Variants in CTNND2 observed in about 807,000 individuals in gnomAD.
The protein encoded by CTNND2 is catenin delta 2.
A neutral mutation model predicts 144.4 loss-of-function variants in CTNND2; 22 were observed. That is an observed-to-expected ratio of 0.15 (90% CI 0.11 to 0.22). The LOEUF is 0.22. Ranked by LOEUF, CTNND2 falls within the 10% of genes least tolerant of loss-of-function variation. CTNND2 has a pLI of 1.00. For synonymous variants in CTNND2, 751 were observed against 695.6 expected (o/e 1.08, Z -1.25); for missense variants, 1,353 against 1,618.8 (o/e 0.84, Z 2.82).
intron 3 of CTNND2, among the ~76,000 whole-genome samples, chr5:11,504,120 T>C (rs1581359670): frequency 6.6e-6 from 1 of 152,304 alleles, no homozygotes. Context: ...AATTTGGCCA[T>C]TATTTGTAGC....
intron 7 of CTNND2, among the ~76,000 whole-genome samples, chr5:11,382,414 C>T (rs1403223133): frequency 1.3e-5 from 2 of 152,140 alleles, no homozygotes; most frequent in East Asian, 1.9e-4. Context: ...GCCTGGCCCA[C>T]ATGGTGAAAC....
intron 1 of CTNND2, among the ~76,000 whole-genome samples, chr5:11,876,186 T>C (rs1735553200): frequency 6.8e-6 from 1 of 147,718 alleles, no homozygotes; most frequent in South Asian, 2.1e-4. Context: ...GATAGATAGG[T>C]AGAAAAAGAG....
intron 2 of CTNND2, among the ~76,000 whole-genome samples, chr5:11,615,566 A>T (rs1780541052): frequency 6.6e-6 from 1 of 152,208 alleles, no homozygotes. Flanking sequence ...CTTTGAAATC[A>T]TCTACTCAAA....
chr5:11,141,162 T>G (rs1268964568), intron 12 of CTNND2, among the ~76,000 whole-genome samples: 1 of 152,156 alleles, frequency 6.6e-6, no homozygotes, highest in Non-Finnish European at 1.5e-5. Context: ...CTATGTTGCC[T>G]GGGCTGGTCT....
At chr5:11,288,621 G>A (rs1005645924) in intron 9 of CTNND2, among the ~76,000 whole-genome samples, 2 of 151,992 alleles carry the variant, frequency 1.3e-5, no homozygotes, top group African/African-American at 4.8e-5. Context: ...AATTTTCAAG[G>A]TACCACAGAG....
chr5:11,394,683 T>C (rs547681111), intron 6 of CTNND2, among the ~76,000 whole-genome samples: 78 of 152,332 alleles, frequency 5.1e-4, no homozygotes, highest in African/African-American at 1.8e-3. Flanking sequence ...AGTTTGAGTT[T>C]TGGGCTGATA....
chr5:11,872,866 T>A (rs911476464), intron 1 of CTNND2, among the ~76,000 whole-genome samples: 5 of 152,162 alleles, frequency 3.3e-5, no homozygotes, highest in Admixed American at 6.5e-5. Flanking sequence ...GATTAAAGAC[T>A]TCAACATAAA....
chr5:11,275,139 C>T (rs1305022823), intron 9 of CTNND2, among the ~76,000 whole-genome samples: 1 of 152,114 alleles, frequency 6.6e-6, no homozygotes, highest in Non-Finnish European at 1.5e-5. Flanking sequence ...CCATTACAAG[C>T]GATTTATGTA....
intron 16 of CTNND2, among the ~76,000 whole-genome samples, chr5:11,024,601 TA>T (rs991492902): frequency 1.3e-5 from 2 of 152,112 alleles, no homozygotes; most frequent in Non-Finnish European, 2.9e-5. Flanking sequence ...AAGGGCAAAA[TA>T]ACTGAAAAAA....
intron 11 of CTNND2, among the ~76,000 whole-genome samples, chr5:11,197,518 A>G (rs1165565979): frequency 2.0e-5 from 3 of 152,210 alleles, no homozygotes; most frequent in Non-Finnish European, 4.4e-5. Context: ...CTCTCCATAC[A>G]TCAAGCAAGC....
At chr5:10,991,433 C>T (rs1340927096) in intron 19 of CTNND2, among the ~76,000 whole-genome samples, 1 of 152,184 alleles carries the variant, frequency 6.6e-6, no homozygotes, top group Non-Finnish European at 1.5e-5. Context: ...GTGCATATAA[C>T]TTGTTATCCA....
intron 3 of CTNND2, among the ~76,000 whole-genome samples, chr5:11,512,158 A>G (rs1005800957): frequency 2.0e-5 from 3 of 152,212 alleles, no homozygotes; most frequent in Non-Finnish European, 4.4e-5. Flanking sequence ...TGAGAAGAAC[A>G]ACACAGTGTT....
rs778134907 is a variant in CTNND2 at position 11,102,970 on chromosome 5, A to ATTTTTTT, written c.2464-4229_2464-4223dup. Reference sequence around the variant, plus strand: ...GCAGGGCTTAAATTCTATTTAAAAGATTTTTTTTTTTTTTTTTTTTTTTTT... The same window carrying ATTTTTTT: ...GCAGGGCTTAAATTCTATTTAAAAGATTTTTTTTTTTTTTTTTTTTTTTTTTTTTTTT... On this transcript the variant is annotated intron_variant, in intron 14 of 21. Transcript: ENST00000304623. Among the ~76,000 whole-genome samples the ATTTTTTT allele has an allele frequency of 1.1e-3, 96 of 84,098 alleles. 6 individuals are homozygous for ATTTTTTT. The highest frequency in any genetic ancestry group is 4.5e-3 in the African/African-American group (87 of 19,314). The allele number at this position is 84,098 out of a possible 152,430, so 55.2% of individuals were successfully genotyped here. A position where few individuals can be genotyped will look rare whatever the true frequency, so the allele number is the denominator to read the frequency against.
intron 16 of CTNND2, among the ~76,000 whole-genome samples, chr5:11,043,700 T>C (rs1220863078): frequency 6.6e-6 from 1 of 152,210 alleles, no homozygotes; most frequent in African/African-American, 2.4e-5. Flanking sequence ...ACCCACTTTT[T>C]ACAAGCAATA....
At chr5:11,130,905 C>A (rs1302921331) in intron 12 of CTNND2, among the ~76,000 whole-genome samples, 1 of 152,130 alleles carries the variant, frequency 6.6e-6, no homozygotes, top group East Asian at 1.9e-4. Flanking sequence ...GAAAGCCGCC[C>A]ATATCTAACC....
At chr5:11,756,562 C>T (rs1163164206) in intron 1 of CTNND2, among the ~76,000 whole-genome samples, 1 of 151,568 alleles carries the variant, frequency 6.6e-6, no homozygotes, top group Non-Finnish European at 1.5e-5. Flanking sequence ...TAGTTTTCCC[C>T]TATCCATTTA....
intron 2 of CTNND2, among the ~76,000 whole-genome samples, chr5:11,664,024 A>C (rs1046751805): frequency 7.2e-5 from 11 of 152,182 alleles, no homozygotes; most frequent in Admixed American, 6.6e-4. Flanking sequence ...ATTAGTTGCC[A>C]ACATATTTCA....
chr5:10,997,590 TAA>T lies in CTNND2; in HGVS notation c.3085-4915_3085-4914del, dbSNP rs59086011. Among the ~76,000 whole-genome samples the T allele has an allele frequency of 1.8e-3, 251 of 137,378 alleles. 3 individuals are homozygous for T. The highest frequency in any genetic ancestry group is 4.8e-3 in the African/African-American group (180 of 37,704). 90.1% of individuals were successfully genotyped at this position (137,378 alleles called of 152,430 possible). A position where few individuals can be genotyped will look rare whatever the true frequency, so the allele number is the denominator to read the frequency against. ...CTGGCAACAGAGCTAGACTCCATCT[TAA>T]AAAAAAAAAAAAAAAATTTAAATCC... On this transcript the variant is annotated intron_variant, in intron 18 of 21. Transcript: ENST00000304623.
intron 9 of CTNND2, among the ~76,000 whole-genome samples, chr5:11,341,142 AG>A (rs1754234613): frequency 6.6e-6 from 1 of 152,204 alleles, no homozygotes; most frequent in Non-Finnish European, 1.5e-5. Context: ...CAGCTAGCAC[AG>A]GGGCAGGAGC....
Sources: gnomAD v4.1 joint callset for allele counts (sites outside exome capture counted in the v4.1 genomes callset) on GRCh38, gnomAD v4.1.1 for gene constraint, MANE v1.5 for transcripts, NCBI Gene and HGNC (gene_info 2026-07-23, HGNC 2026-07-21) for gene names.